G3BP2: variants seen among roughly 807,000 people sequenced by gnomAD.
The protein encoded by G3BP2 is ras GTPase-activating protein-binding protein 2.
A neutral mutation model predicts 56.7 loss-of-function variants in G3BP2; 11 were observed. The ratio of observed to expected loss-of-function variants is 0.19; its 90% CI spans 0.12 to 0.32. The LOEUF (loss-of-function observed/expected upper bound fraction) is 0.32. G3BP2 is among the 10% of genes least tolerant of loss of function. G3BP2 has a pLI of 1.00. For synonymous variants in G3BP2, 165 were observed against 191.6 expected, an observed-to-expected ratio of 0.86 and a Z score of 1.15; for missense variants, 340 against 610.9, an observed-to-expected ratio of 0.56 and a Z score of 4.67.
At chr4:75,649,427 G>A (rs919976523) in intron 8 of G3BP2, among the ~76,000 whole-genome samples, 3 of 152,120 alleles carry the variant, frequency 2.0e-5, no homozygotes, top group South Asian at 2.1e-4. Context: ...TGGTCCCAAC[G>A]ATTTTCCTTA....
At position 75,692,400 on chromosome 4, in the gene G3BP2, C is replaced by T. The variant is rs559185945; in HGVS notation, c.-25+28477G>A. On this transcript the variant is annotated intron_variant, in intron 3 of 3. Transcript: ENST00000499709. ...GATCTTGTCTCACTGCAACTTCCGC[C>T]TCCCAGGTTCAAGCAATTCTCCTGC... Among the ~76,000 whole-genome samples the T allele has an allele frequency of 1.9e-3, 291 of 152,208 alleles. 1 individual carries two copies. Among genetic ancestry groups the T allele is most frequent in the African/African-American group, 6.7e-3 (277 of 41,532 alleles).
intron 3 of G3BP2, among the ~76,000 whole-genome samples, chr4:75,680,939 C>A (rs1428450197): frequency 7.0e-6 from 1 of 143,468 alleles, no homozygotes; most frequent in African/African-American, 2.6e-5. Context: ...CTGCATTCCA[C>A]CCTGGCGACA....
chr4:75,683,261 T>C (rs1365319830), intron 3 of G3BP2, among the ~76,000 whole-genome samples: 1 of 152,034 alleles, frequency 6.6e-6, no homozygotes, highest in Non-Finnish European at 1.5e-5. Flanking sequence ...GCAGGAATGG[T>C]CCTCAGAATA....
At chr4:75,647,613 G>A (rs933603658) in intron 9 of G3BP2, among the ~76,000 whole-genome samples, 2 of 152,156 alleles carry the variant, frequency 1.3e-5, no homozygotes, top group Non-Finnish European at 2.9e-5. Flanking sequence ...CATATTAAGT[G>A]TGTATGTATA....
upstream of G3BP2, chr4:75,673,541 T>TGCGGAGCAC: frequency 8.1e-7 from 1 of 1,232,064 alleles, no homozygotes; most frequent in East Asian, 3.2e-5. Context: ...CGTGTCCCTC[T>TGCGGAGCAC]GCGGAGCACG....
chr4:75,723,760 G>C (rs1047748619), intron 1 of G3BP2, among the ~76,000 whole-genome samples: 12 of 152,260 alleles, frequency 7.9e-5, no homozygotes, highest in Admixed American at 7.2e-4. Flanking sequence ...GGGGAGAGGT[G>C]CATGAGTCAG....
intron 1 of G3BP2, among the ~76,000 whole-genome samples, chr4:75,664,118 G>A (rs932523505): frequency 9.9e-5 from 15 of 151,568 alleles, no homozygotes; most frequent in Admixed American, 2.6e-4. Context: ...TCCTGACCTC[G>A]TGATCCACCT....
chr4:75,688,785 C>T (rs1199473088), intron 3 of G3BP2, among the ~76,000 whole-genome samples: 6 of 152,138 alleles, frequency 3.9e-5, no homozygotes, highest in Admixed American at 1.3e-4. Flanking sequence ...TCCACTAGCT[C>T]GTTTGAGAAT....
At chr4:75,649,302 G>C (rs906089979) in intron 8 of G3BP2, among the ~76,000 whole-genome samples, 2 of 152,122 alleles carry the variant, frequency 1.3e-5, no homozygotes, top group African/African-American at 4.8e-5. Context: ...AGGTTAAAAT[G>C]CATGTTAAAA....
At chr4:75,673,623 G>A (rs971980638), upstream of G3BP2, 2 of 1,230,788 alleles carry the variant, frequency 1.6e-6, no homozygotes, top group African/African-American at 3.1e-5. Flanking sequence ...CTAAAGCCAA[G>A]ATAAGAGTCC....
At chr4:75,654,165 C>G (rs753931301) in intron 7 of G3BP2, 84 bp from the exon 8 acceptor site, 1 of 696,996 alleles carries the variant, frequency 1.4e-6, no homozygotes, top group Non-Finnish European at 2.6e-6. Flanking sequence ...TATATATTTT[C>G]TTTTCATTTC....
At chr4:75,673,962 G>A (rs1333725114), upstream of G3BP2, 2 of 155,064 alleles carry the variant, frequency 1.3e-5, no homozygotes, top group African/African-American at 4.8e-5. Flanking sequence ...AACATGACGT[G>A]GGCTTTACAG....
At chr4:75,676,504 A>C (rs1578419981), upstream of G3BP2, among the ~76,000 whole-genome samples, 1 of 152,046 alleles carries the variant, frequency 6.6e-6, no homozygotes, top group Middle Eastern at 3.4e-3. Context: ...CACCACGCCC[A>C]TCTAATTTTT....
intron 3 of G3BP2, among the ~76,000 whole-genome samples, chr4:75,687,265 T>C (rs1718653347): frequency 6.6e-6 from 1 of 152,178 alleles, no homozygotes; most frequent in Admixed American, 6.5e-5. Flanking sequence ...ATTCTCATGA[T>C]AGTGAATAAG....
chr4:75,716,528 T>C (rs1448190111), intron 3 of G3BP2, among the ~76,000 whole-genome samples: 1 of 148,990 alleles, frequency 6.7e-6, no homozygotes, highest in Non-Finnish European at 1.5e-5. Context: ...TTGTTGTTGT[T>C]TTTGGAGACA....
In G3BP2 at chr4:75,673,293, C is replaced by T. The variant is rs960114412; in HGVS notation, c.-110G>A. 15 of 1,228,368 alleles carry T rather than the reference C, an allele frequency of 1.2e-5. No individual in the cohort carries two copies. The highest frequency in any genetic ancestry group is 6.3e-5 in the East Asian group (2 of 31,544). 76.1% of individuals were successfully genotyped at this position (1,228,368 alleles called of 1,614,324 possible). ...GGTGCGGCGGGTTCTTATTGCTCGC[C>T]GCCCCCTTCCTCCGACAACTCGGAA... On this transcript the variant is annotated 5_prime_UTR_variant, in exon 1 of 12. Transcript: ENST00000359707.
chr4:75,686,580 G>C (rs1718618123), intron 3 of G3BP2, among the ~76,000 whole-genome samples: 2 of 135,456 alleles, frequency 1.5e-5, no homozygotes, highest in African/African-American at 5.3e-5. Flanking sequence ...GTGGGGGTGG[G>C]GGGGCGGGTG....
At chr4:75,665,618 AACACACAAACACACACAC>A (rs1732954172) in intron 1 of G3BP2, among the ~76,000 whole-genome samples, 1 of 32,216 alleles carries the variant, frequency 3.1e-5, no homozygotes, top group African/African-American at 3.0e-4. Flanking sequence ...TGTAGTCACA[AACACACAAACACACACAC>A]ACACACAAAC....
intron 3 of G3BP2, among the ~76,000 whole-genome samples, chr4:75,709,229 G>A (rs555613041): frequency 1.4e-4 from 21 of 152,174 alleles, no homozygotes; most frequent in East Asian, 1.4e-3. Flanking sequence ...AGGCCAGCCC[G>A]GCCAAGATGG....
Sources: gnomAD v4.1 joint callset for allele counts (sites outside exome capture counted in the v4.1 genomes callset) on GRCh38, gnomAD v4.1.1 for gene constraint, MANE v1.5 for transcripts, NCBI Gene and HGNC (gene_info 2026-07-23, HGNC 2026-07-21) for gene names.